Variants in SINHCAF observed in about 807,000 individuals in gnomAD.
SINHCAF encodes SIN3-HDAC complex associated factor.
Under a neutral mutation model 25.8 loss-of-function variants are expected in SINHCAF, and 3 were observed. The ratio of observed to expected loss-of-function variants is 0.12; its 90% CI spans 0.05 to 0.30. The LOEUF (loss-of-function observed/expected upper bound fraction) is 0.30, where lower values mean the gene tolerates loss of function less well. Among genes scored for constraint, SINHCAF ranks in the 10% least tolerant of loss-of-function variants. The pLI is 1.00. For synonymous variants in SINHCAF, 70 were observed against 85.5 expected, an observed-to-expected ratio of 0.82 and a Z score of 1.00; for missense variants, 121 against 262.3, an observed-to-expected ratio of 0.46 and a Z score of 3.72.
chr12:31,285,950 G>C (rs1175736918), intron 5 of SINHCAF, among the ~76,000 whole-genome samples: 1 of 151,214 alleles, frequency 6.6e-6, no homozygotes, highest in African/African-American at 2.4e-5. Context: ...ACTCCAGTCT[G>C]GGCTACAGAG....
intron 5 of SINHCAF, among the ~76,000 whole-genome samples, chr12:31,285,418 T>TACAC (rs71444392): frequency 0.091 from 12,857 of 141,248 alleles, 654 homozygotes; most frequent in Admixed American, 0.17. Context: ...TATATATACA[T>TACAC]ACACACACAC....
chr12:31,291,879 A>G (rs1187763875), intron 4 of SINHCAF, among the ~76,000 whole-genome samples: 1 of 152,220 alleles, frequency 6.6e-6, no homozygotes, highest in Non-Finnish European at 1.5e-5. Flanking sequence ...TGGGTGATAT[A>G]TAAAAATTCA....
At chr12:31,321,766 A>T (rs1939701516) in intron 1 of SINHCAF, among the ~76,000 whole-genome samples, 1 of 152,198 alleles carries the variant, frequency 6.6e-6, no homozygotes, top group South Asian at 2.1e-4. Context: ...AACGAAAATG[A>T]CATACTTTTA....
chr12:31,285,454 C>T (rs554475822), intron 5 of SINHCAF, among the ~76,000 whole-genome samples: 2 of 151,152 alleles, frequency 1.3e-5, no homozygotes, highest in East Asian at 3.9e-4. Flanking sequence ...CACACACACA[C>T]ATAAATAAAT....
At position 31,297,717 on chromosome 12, in the gene SINHCAF, C is replaced by T. The variant is rs189073597; in HGVS notation, c.128+360G>A. Reference sequence around the variant, plus strand: ...CGATCTCTTGACCTCGTGATCCGCCCGCCTCGGCCTCCCAAAATGCTCTCA... The same window carrying T: ...CGATCTCTTGACCTCGTGATCCGCCTGCCTCGGCCTCCCAAAATGCTCTCA... On this transcript the variant is annotated intron_variant, in intron 2 of 5. Transcript: ENST00000337682. 7.9e-5 allele frequency among the ~76,000 whole-genome samples: 12 copies of T among 151,856 alleles called. No individual in the cohort carries two copies. The East Asian group carries it at 1.6e-3, about 20-fold the overall frequency.
chr12:31,298,313 G>A (rs1245878142), intron 1 of SINHCAF, 89 bp from the exon 2 acceptor site: 1 of 1,501,562 alleles, frequency 6.7e-7, no homozygotes, highest in Non-Finnish European at 9.1e-7. Context: ...CCACCCCCAA[G>A]CAACTTGGTG....
intron 1 of SINHCAF, among the ~76,000 whole-genome samples, chr12:31,299,321 T>TTA (rs1274495633): frequency 7.2e-6 from 1 of 139,190 alleles, no homozygotes; most frequent in African/African-American, 2.9e-5. Flanking sequence ...AAGAAAAAAA[T>TTA]TTTTTTTTTT....
intron 1 of SINHCAF, among the ~76,000 whole-genome samples, chr12:31,302,197 A>G (rs189321250): frequency 3.9e-5 from 6 of 152,264 alleles, no homozygotes; most frequent in Admixed American, 3.9e-4. Flanking sequence ...TGTGAGATAA[A>G]GCCAAAAATC....
At chr12:31,297,968 A>G (rs1938615281) in intron 2 of SINHCAF, 109 bp downstream of exon 2, 1 of 1,106,450 alleles carries the variant, frequency 9.0e-7, no homozygotes, top group African/African-American at 1.6e-5. Context: ...AATTAGAATA[A>G]GTGATTTTTA....
intron 4 of SINHCAF, among the ~76,000 whole-genome samples, chr12:31,289,061 G>C (rs1938196523): frequency 6.6e-6 from 1 of 152,122 alleles, no homozygotes; most frequent in African/African-American, 2.4e-5. Flanking sequence ...GAGCAACATG[G>C]AGGGGAGAGA....
Position 31,325,313 on chromosome 12 carries a change from G to A in SINHCAF, c.-21+711C>T, listed in dbSNP as rs1480125002. 6.7e-6 allele frequency: 3 copies of A among 445,958 alleles called. No individual in the cohort carries two copies. Among genetic ancestry groups the A allele is most frequent in the South Asian group, 3.1e-5 (2 of 63,622 alleles). The allele number at this position is 445,958 out of a possible 1,614,324, so 27.6% of individuals were successfully genotyped here. A position where few individuals can be genotyped will look rare whatever the true frequency, so the allele number is the denominator to read the frequency against. ...AAGAGGGCAGGCGAGTGGAAGACGGGCTGTTTTTAAGCGACCGCGTGTTGC... is the reference window on the plus strand; with the variant it reads ...AAGAGGGCAGGCGAGTGGAAGACGGACTGTTTTTAAGCGACCGCGTGTTGC... On this transcript the variant is annotated intron_variant, in intron 1 of 5. Transcript: ENST00000337682. This position sits in a 1 kb window ranked among gnomAD's most constrained non-coding sequence, Gnocchi z 5.9.
At position 31,282,672 on chromosome 12, in the gene SINHCAF, A is replaced by T. The variant is rs200737722; in HGVS notation, c.*40T>A. The T allele has an allele frequency of 6.8e-7, 1 of 1,471,038 alleles. No individual in the cohort carries two copies. Among genetic ancestry groups the T allele is most frequent in the Non-Finnish European group, 9.1e-7 (1 of 1,100,584 alleles). 91.1% of individuals were successfully genotyped at this position (1,471,038 alleles called of 1,614,324 possible). A position where few individuals can be genotyped will look rare whatever the true frequency, so the allele number is the denominator to read the frequency against. On this transcript the variant is annotated 3_prime_UTR_variant, in exon 6 of 6. Coordinates refer to ENST00000337682, the MANE Select transcript of SINHCAF (RefSeq NM_001135812.2). ...AGCTTTGTGGTTTTTCAAAATTCAG[A>T]TATTTTTTTTTTTGTTCCCCTTCTA... is the stretch of plus-strand genomic sequence containing the variant.
chr12:31,317,555 G>A (rs1030105763), intron 1 of SINHCAF, among the ~76,000 whole-genome samples: 3 of 151,508 alleles, frequency 2.0e-5, no homozygotes, highest in Non-Finnish European at 2.9e-5. Flanking sequence ...AGTAAATAGT[G>A]GTTGCCTCTG....
rs747353531 is a variant in SINHCAF, at chr12:31,287,583, G to A, written c.506+51C>T. On this transcript the variant is annotated intron_variant, in intron 5 of 5. Coordinates refer to ENST00000337682, the MANE Select transcript of SINHCAF (RefSeq NM_001135812.2). Reference sequence around the variant, plus strand: ...ATTGCTAAGGAAGTAGAAAAATACTGCCCATAATTAAGATGGTTTGCTGGT... The same window carrying A: ...ATTGCTAAGGAAGTAGAAAAATACTACCCATAATTAAGATGGTTTGCTGGT... 2.1e-6 allele frequency: 3 copies of A among 1,398,836 alleles called. No homozygotes were observed. In the East Asian group the frequency reaches 7.1e-5, roughly 33 times the overall value. The allele number at this position is 1,398,836 out of a possible 1,614,324, so 86.7% of individuals were successfully genotyped here.
rs777087270 is a variant in SINHCAF, at chr12:31,297,467, A to ATTTTTTTTTTTT, written c.128+598_128+609dup. On this transcript the variant is annotated intron_variant, in intron 2 of 5. Coordinates refer to ENST00000337682, the MANE Select transcript of SINHCAF (RefSeq NM_001135812.2). ...GAGCCACTGCACCCGGTCAAGCGTAATTTTTTTTTTTTTTTTTTTTTTTTG... is the reference window on the plus strand; with the variant it reads ...GAGCCACTGCACCCGGTCAAGCGTAATTTTTTTTTTTTTTTTTTTTTTTTTTTTTTTTTTTTG... Among the ~76,000 whole-genome samples the ATTTTTTTTTTTT allele has an allele frequency of 1.2e-4, 12 of 103,426 alleles. 1 individual carries two copies. The highest frequency in any genetic ancestry group is 4.1e-4 in the African/African-American group (11 of 26,684). 67.9% of individuals were successfully genotyped at this position (103,426 alleles called of 152,430 possible). A position where few individuals can be genotyped will look rare whatever the true frequency, so the allele number is the denominator to read the frequency against.
At chr12:31,307,485 G>T (rs1353481784) in intron 1 of SINHCAF, among the ~76,000 whole-genome samples, 1 of 152,082 alleles carries the variant, frequency 6.6e-6, no homozygotes, top group Non-Finnish European at 1.5e-5. Context: ...AGCCCAGGAG[G>T]TCAAGGCAGC....
chr12:31,318,152 C>T (rs867916394), intron 1 of SINHCAF, among the ~76,000 whole-genome samples: 49 of 152,292 alleles, frequency 3.2e-4, no homozygotes, highest in African/African-American at 1.1e-3. Flanking sequence ...TTTTCACAAA[C>T]GGTCAACAGG....
intron 4 of SINHCAF, among the ~76,000 whole-genome samples, chr12:31,290,874 C>G (rs1025561890): frequency 6.6e-6 from 1 of 152,188 alleles, no homozygotes; most frequent in Non-Finnish European, 1.5e-5. Flanking sequence ...CATGCACCAC[C>G]ACGCCCAGCT....
rs115983047 is a variant in SINHCAF at position 31,288,762 on chromosome 12, A to T, written c.356-978T>A. 5.7e-3 allele frequency among the ~76,000 whole-genome samples: 869 copies of T among 152,316 alleles called. 12 individuals carry two copies. Among genetic ancestry groups the T allele is most frequent in the African/African-American group, 0.02 (824 of 41,570 alleles). ...AATCTGAAAATGTCCAGGTTTCAATAAAAAATTACATCAGTCCAAGAATCA... is the reference window on the plus strand; with the variant it reads ...AATCTGAAAATGTCCAGGTTTCAATTAAAAATTACATCAGTCCAAGAATCA... On this transcript the variant is annotated intron_variant, in intron 4 of 5. Coordinates refer to ENST00000337682, the MANE Select transcript of SINHCAF (RefSeq NM_001135812.2).
Sources: allele counts gnomAD v4.1 joint callset (sites outside exome capture counted in the v4.1 genomes callset), GRCh38; gene constraint gnomAD v4.1.1; non-coding constraint Gnocchi (gnomAD v3.1); transcripts MANE v1.5; gene names NCBI Gene and HGNC (gene_info 2026-07-23, HGNC 2026-07-21).